Variants in CDH6 observed in about 807,000 individuals in gnomAD.
The protein encoded by CDH6 is cadherin-6.
In CDH6, 31 loss-of-function variants were observed where a neutral mutation model predicts 78.0. The ratio of observed to expected loss-of-function variants is 0.40; its 90% CI spans 0.30 to 0.54. The LOEUF is 0.54. Among genes scored for constraint, CDH6 ranks in the 20% least tolerant of loss-of-function variants. The probability of loss-of-function intolerance (pLI) is 0.56; values close to 1 mark genes in which losing one functional copy is unlikely to be tolerated. For missense variants in CDH6, 724 were observed against 975.9 expected, an observed-to-expected ratio of 0.74 and a Z score of 3.44; for synonymous variants, 376 against 368.8, an observed-to-expected ratio of 1.02 and a Z score of -0.23.
At chr5:31,256,438 A>G (rs1037817761) in intron 1 of CDH6, among the ~76,000 whole-genome samples, 2 of 152,212 alleles carry the variant, frequency 1.3e-5, no homozygotes, top group African/African-American at 4.8e-5. Flanking sequence ...CAGAGATAAG[A>G]ACCACTTGTG....
intron 7 of CDH6, among the ~76,000 whole-genome samples, chr5:31,309,546 GT>G (rs146736779): frequency 9.1e-4 from 138 of 151,250 alleles, no homozygotes; most frequent in Non-Finnish European, 1.6e-3. Flanking sequence ...GAAATGGGCA[GT>G]TTTTTTTTCT....
chr5:31,292,890 T>G (rs1055037313), intron 2 of CDH6, among the ~76,000 whole-genome samples: 3 of 147,230 alleles, frequency 2.0e-5, no homozygotes, highest in Admixed American at 6.9e-5. Context: ...TGTTTGTGTA[T>G]ATATGTCCTA....
intron 1 of CDH6, among the ~76,000 whole-genome samples, chr5:31,202,098 T>A (rs1740365919): frequency 1.0e-5 from 1 of 99,850 alleles, no homozygotes; most frequent in African/African-American, 3.6e-5. Flanking sequence ...ATATAAATTA[T>A]AAAATCAGTG....
intron 1 of CDH6, among the ~76,000 whole-genome samples, chr5:31,258,002 T>C (rs1742102355): frequency 6.6e-6 from 1 of 152,116 alleles, no homozygotes; most frequent in African/African-American, 2.4e-5. Context: ...GTTTCTTATC[T>C]CTCTGAAAGA....
At chr5:31,308,899 T>G (rs1215455427) in intron 7 of CDH6, among the ~76,000 whole-genome samples, 1 of 152,094 alleles carries the variant, frequency 6.6e-6, no homozygotes, top group East Asian at 1.9e-4. Flanking sequence ...ATCTTAAGCT[T>G]AGCATTTTCC....
intron 1 of CDH6, among the ~76,000 whole-genome samples, chr5:31,244,798 C>A (rs960895689): frequency 6.6e-6 from 1 of 152,080 alleles, no homozygotes; most frequent in Non-Finnish European, 1.5e-5. Context: ...TGAATAGAAC[C>A]ATCTATGCCT....
intron 2 of CDH6, among the ~76,000 whole-genome samples, chr5:31,289,959 C>T (rs1177740574): frequency 6.6e-6 from 1 of 151,482 alleles, no homozygotes; most frequent in Non-Finnish European, 1.5e-5. Context: ...TGCCAAGATG[C>T]TGTATTAAAA....
intron 7 of CDH6, among the ~76,000 whole-genome samples, chr5:31,306,037 T>C (rs1737982474): frequency 6.6e-6 from 1 of 152,180 alleles, no homozygotes; most frequent in Non-Finnish European, 1.5e-5. Context: ...TGGGATTATT[T>C]TTCAAGATTT....
intron 1 of CDH6, among the ~76,000 whole-genome samples, chr5:31,217,881 T>C (rs1740911290): frequency 6.6e-6 from 1 of 152,216 alleles, no homozygotes; most frequent in Admixed American, 6.5e-5. Context: ...TTAAATACAG[T>C]TAAAACATTG....
chr5:31,262,623 G>A (rs952521815), intron 1 of CDH6, among the ~76,000 whole-genome samples: 5 of 152,226 alleles, frequency 3.3e-5, no homozygotes, highest in Admixed American at 2.6e-4. Context: ...AAGAGGGAAT[G>A]CAGGGTAGGG....
At chr5:31,202,579 T>A (rs1263114948) in intron 1 of CDH6, among the ~76,000 whole-genome samples, 1 of 152,016 alleles carries the variant, frequency 6.6e-6, no homozygotes. Context: ...GAGGTTGCAG[T>A]GAGCCCAGAT....
At chr5:31,238,951 C>T (rs1741524870) in intron 1 of CDH6, among the ~76,000 whole-genome samples, 1 of 152,200 alleles carries the variant, frequency 6.6e-6, no homozygotes, top group Non-Finnish European at 1.5e-5. Context: ...AAAAGTAACA[C>T]ACTTAAGTAG....
chr5:31,211,890 T>C (rs1740718456), intron 1 of CDH6, among the ~76,000 whole-genome samples: 1 of 152,220 alleles, frequency 6.6e-6, no homozygotes, highest in Non-Finnish European at 1.5e-5. Flanking sequence ...CTGTTGTTTG[T>C]TTGTTTGGCC....
intron 1 of CDH6, among the ~76,000 whole-genome samples, chr5:31,205,257 T>C (rs1740483687): frequency 6.6e-6 from 1 of 152,190 alleles, no homozygotes; most frequent in South Asian, 2.1e-4. Flanking sequence ...CCAGTGAAAA[T>C]ACACTTTTCT....
At chr5:31,239,110 G>T (rs542712602) in intron 1 of CDH6, among the ~76,000 whole-genome samples, 5 of 152,092 alleles carry the variant, frequency 3.3e-5, no homozygotes, top group Non-Finnish European at 5.9e-5. Flanking sequence ...CTGTTCCTCC[G>T]CAGGGCATCA....
rs544341904 is a variant in CDH6, at chr5:31,294,448, C to G, written c.523+192C>G. Among the ~76,000 whole-genome samples, 1 of 152,164 alleles carries G rather than the reference C, an allele frequency of 6.6e-6. No homozygotes were observed. The highest frequency in any genetic ancestry group is 2.1e-4 in the South Asian group (1 of 4,830). ...TCTCATTTTGTGATTATTTTAAAAA[C>G]CACATTTCCTCTAAAGAGGGTCTGA... On this transcript the variant is annotated intron_variant, in intron 3 of 11. Transcript: ENST00000265071. This position sits in a 1 kb window ranked among gnomAD's most constrained non-coding sequence, Gnocchi z 4.1.
At chr5:31,246,730 T>C (rs999762653) in intron 1 of CDH6, among the ~76,000 whole-genome samples, 20 of 151,600 alleles carry the variant, frequency 1.3e-4, no homozygotes, top group Admixed American at 1.2e-3. Flanking sequence ...AAGAGTTTTT[T>C]GTGTTTTGTT....
intron 11 of CDH6, among the ~76,000 whole-genome samples, chr5:31,320,957 T>C (rs1300414526): frequency 1.4e-5 from 2 of 145,100 alleles, no homozygotes; most frequent in Non-Finnish European, 3.0e-5. Flanking sequence ...CCAGCCTGGG[T>C]GACAGAGTGA....
chr5:31,215,533 C>T (rs1165389581), intron 1 of CDH6, among the ~76,000 whole-genome samples: 1 of 152,132 alleles, frequency 6.6e-6, no homozygotes, highest in African/African-American at 2.4e-5. Flanking sequence ...GTGCAGCAGA[C>T]TCATTATTTA....
Sources: allele counts gnomAD v4.1 joint callset (sites outside exome capture counted in the v4.1 genomes callset), GRCh38; gene constraint gnomAD v4.1.1; non-coding constraint Gnocchi (gnomAD v3.1); transcripts MANE v1.5; gene names NCBI Gene and HGNC (gene_info 2026-07-23, HGNC 2026-07-21).